Variants in FOCAD observed in about 807,000 individuals in gnomAD.
FOCAD encodes the protein KIAA1797.
FOCAD carries 198 observed loss-of-function variants against 225.6 expected under a neutral mutation model. That is an observed-to-expected ratio of 0.88 (90% CI 0.78 to 0.99). The LOEUF is 0.99. FOCAD is among the 50% of genes least tolerant of loss of function. FOCAD has a pLI of 0.00. For missense variants in FOCAD, 2,713 were observed against 2,123.6 expected, an observed-to-expected ratio of 1.28 and a Z score of -5.46; for synonymous variants, 897 against 755.0, an observed-to-expected ratio of 1.19 and a Z score of -3.08.
At chr9:20,739,516 T>A (rs1827428563) in intron 4 of FOCAD, among the ~76,000 whole-genome samples, 1 of 151,534 alleles carries the variant, frequency 6.6e-6, no homozygotes, top group Non-Finnish European at 1.5e-5. Flanking sequence ...GGCAGGAGAA[T>A]CAGTTGAACC....
At chr9:20,678,888 C>T (rs989847832) in intron 2 of FOCAD, among the ~76,000 whole-genome samples, 4 of 152,170 alleles carry the variant, frequency 2.6e-5, no homozygotes, top group African/African-American at 7.2e-5. Context: ...TTATTAAACT[C>T]TTCAATGTTT....
chr9:20,917,715 A>G (rs984242795), intron 24 of FOCAD, among the ~76,000 whole-genome samples: 1 of 152,180 alleles, frequency 6.6e-6, no homozygotes, highest in African/African-American at 2.4e-5. Flanking sequence ...AGTCCATATC[A>G]TCCAGAAATT....
chr9:20,800,361 A>C (rs1033987594), intron 11 of FOCAD, among the ~76,000 whole-genome samples: 1 of 151,864 alleles, frequency 6.6e-6, no homozygotes, highest in Non-Finnish European at 1.5e-5. Flanking sequence ...TCTTTGTGGC[A>C]TTCTCTGTGT....
chr9:20,987,479 G>C (rs1020490240), intron 40 of FOCAD, among the ~76,000 whole-genome samples: 12 of 151,566 alleles, frequency 7.9e-5, no homozygotes, highest in African/African-American at 2.9e-4. Flanking sequence ...CTGCACTCCA[G>C]CCTGGGTGAC....
intron 2 of FOCAD, among the ~76,000 whole-genome samples, chr9:20,663,497 A>ACC (rs1309773083): frequency 4.0e-5 from 6 of 151,478 alleles, no homozygotes; most frequent in African/African-American, 1.2e-4. Flanking sequence ...ACACACACAC[A>ACC]CACACACACA....
At chr9:20,836,459 G>A (rs948241963) in intron 15 of FOCAD, among the ~76,000 whole-genome samples, 1 of 152,042 alleles carries the variant, frequency 6.6e-6, no homozygotes, top group Non-Finnish European at 1.5e-5. Context: ...ATGCATTAGA[G>A]AATGAATTTG....
At chr9:20,734,324 G>T (rs1229103971) in intron 4 of FOCAD, among the ~76,000 whole-genome samples, 5 of 152,096 alleles carry the variant, frequency 3.3e-5, no homozygotes, top group Non-Finnish European at 7.4e-5. Context: ...GTCAGATCCA[G>T]GTACATGGAA....
intron 11 of FOCAD, among the ~76,000 whole-genome samples, chr9:20,808,968 T>C (rs182574760): frequency 1.3e-4 from 20 of 152,308 alleles, no homozygotes; most frequent in African/African-American, 4.6e-4. Context: ...AATGAAATAG[T>C]ATGTACAGTA....
chr9:20,781,886 T>C lies in FOCAD; in HGVS notation c.1154T>C (p.Leu385Ser). The C allele has an allele frequency of 1.2e-6, 2 of 1,614,076 alleles. No homozygotes were observed. Among genetic ancestry groups the C allele is most frequent in the Non-Finnish European group, 1.7e-6 (2 of 1,179,950 alleles). ...AGGCAGCAGTTGGCTCTAAACCTTT[T>C]GGAAATGATACAGCAGGAATGTTAC... Reference protein sequence around the residue: ...PSRQQLALNLLEMIQQECYRD... With the variant: ...PSRQQLALNLSEMIQQECYRD... The change falls in exon 10 of 44, where the codon TTG (leucine) becomes TCG (serine). Residue 385 changes from leucine to serine, a missense_variant. By Grantham distance (145) the Leu-to-Ser change is moderately radical (BLOSUM62 -2). Coordinates refer to ENST00000338382, the MANE Select transcript of FOCAD (RefSeq NM_001375567.1).
At chr9:20,908,039 T>A (rs1385107224) in intron 22 of FOCAD, among the ~76,000 whole-genome samples, 3 of 152,158 alleles carry the variant, frequency 2.0e-5, no homozygotes, top group Non-Finnish European at 4.4e-5. Context: ...CAATTTGAGT[T>A]TATTTGATCC....
At chr9:20,796,392 T>C (rs1031487381) in intron 11 of FOCAD, among the ~76,000 whole-genome samples, 1 of 152,240 alleles carries the variant, frequency 6.6e-6, no homozygotes, top group Non-Finnish European at 1.5e-5. Context: ...ATCAGCACAC[T>C]GACTTCCACA....
At chr9:20,777,985 G>A (rs1286040982) in intron 8 of FOCAD, among the ~76,000 whole-genome samples, 1 of 150,464 alleles carries the variant, frequency 6.6e-6, no homozygotes, top group African/African-American at 2.4e-5. Context: ...AGCTACTCGG[G>A]AGGCTGAGGC....
intron 6 of FOCAD, among the ~76,000 whole-genome samples, chr9:20,761,412 C>G (rs182965197): frequency 1.3e-5 from 2 of 151,660 alleles, no homozygotes; most frequent in African/African-American, 2.4e-5. Flanking sequence ...CCTAAAGCCT[C>G]CGTTATTTTT....
At chr9:20,738,979 AC>A (rs1462153293) in intron 4 of FOCAD, among the ~76,000 whole-genome samples, 1 of 152,142 alleles carries the variant, frequency 6.6e-6, no homozygotes, top group African/African-American at 2.4e-5. Context: ...TTTTGTACTT[AC>A]AGGACATCTG....
rs529915904 is a variant in FOCAD at position 20,756,027 on chromosome 9, T to C, written c.393-2063T>C. On this transcript the variant is annotated intron_variant, in intron 5 of 43. Coordinates refer to ENST00000338382, the MANE Select transcript of FOCAD (RefSeq NM_001375567.1). ...TCTAAGAATTTCATCTGATACTACA[T>C]ACCTGAGAGGCTTTTAGAATTTGTA... Among the ~76,000 whole-genome samples, 59 of 152,342 alleles carry C rather than the reference T, an allele frequency of 3.9e-4. 1 individual carries two copies. Among genetic ancestry groups the C allele is most frequent in the African/African-American group, 1.4e-3 (58 of 41,588 alleles).
intron 42 of FOCAD, among the ~76,000 whole-genome samples, chr9:20,992,977 C>A (rs1215551348): frequency 6.6e-6 from 1 of 151,822 alleles, no homozygotes; most frequent in Non-Finnish European, 1.5e-5. Flanking sequence ...AAAAAAACTC[C>A]TGTATCAGCT....
intron 4 of FOCAD, among the ~76,000 whole-genome samples, chr9:20,734,393 T>C (rs546404367): frequency 1.3e-5 from 2 of 152,316 alleles, no homozygotes; most frequent in South Asian, 4.1e-4. Context: ...ATAAAAAACA[T>C]TTATATGCAC....
chr9:20,679,839 G>T (rs906819336), upstream of FOCAD, among the ~76,000 whole-genome samples: 1 of 152,162 alleles, frequency 6.6e-6, no homozygotes, highest in Admixed American at 6.5e-5. Flanking sequence ...TGAAATTTGC[G>T]TCTGAGCTGG....
chr9:20,988,306 G>T (rs141182549), intron 40 of FOCAD, 26 bp from the exon 41 acceptor site: 1 of 1,440,424 alleles, frequency 6.9e-7, no homozygotes, highest in Admixed American at 1.8e-5. Flanking sequence ...CCATGGTCTA[G>T]TAAGAAAATA....
Sources: gnomAD v4.1 joint callset for allele counts (sites outside exome capture counted in the v4.1 genomes callset) on GRCh38, gnomAD v4.1.1 for gene constraint, MANE v1.5 for transcripts, NCBI Gene and HGNC (gene_info 2026-07-23, HGNC 2026-07-21) for gene names.